The following NRXN1 variants were observed in gnomAD, a reference collection of about 807,000 sequenced individuals.
NRXN1 encodes neurexin 1.
A neutral mutation model predicts 150.9 loss-of-function variants in NRXN1; 39 were observed. The observed-to-expected ratio is 0.26, with a 90% CI of 0.20 to 0.34. NRXN1 has a LOEUF of 0.34. NRXN1 is among the 10% of genes least tolerant of loss of function. NRXN1 has a pLI of 1.00. For synonymous variants in NRXN1, 924 were observed against 757.0 expected (o/e 1.22, Z -3.62); for missense variants, 1,815 against 1,949.9 (o/e 0.93, Z 1.30).
intron 21 of NRXN1, among the ~76,000 whole-genome samples, chr2:50,041,447 T>C (rs781350601): frequency 4.6e-5 from 7 of 152,194 alleles, no homozygotes; most frequent in Non-Finnish European, 7.3e-5. Flanking sequence ...GAGTCACTGG[T>C]GCAAACTGGT....
intron 17 of NRXN1, among the ~76,000 whole-genome samples, chr2:50,274,259 A>G (rs1267999981): frequency 6.6e-6 from 1 of 152,132 alleles, no homozygotes; most frequent in East Asian, 1.9e-4. Flanking sequence ...CATCATTCTC[A>G]GCTAACTAAC....
At chr2:50,643,018 C>A (rs1684287575) in intron 5 of NRXN1, among the ~76,000 whole-genome samples, 1 of 151,874 alleles carries the variant, frequency 6.6e-6, no homozygotes, top group East Asian at 1.9e-4. Flanking sequence ...AAAGAGGCCT[C>A]AGATTGTTTA....
In NRXN1 at chr2:49,920,676, T is replaced by C. The variant is rs1668030868; in HGVS notation, c.*1268A>G. 2 of 151,002 alleles carry C rather than the reference T, an allele frequency of 1.3e-5. No individual in the cohort carries two copies. Among genetic ancestry groups the C allele is most frequent in the Non-Finnish European group, 2.9e-5 (2 of 67,872 alleles). The allele number at this position is 151,002 out of a possible 1,614,324, so 9.4% of individuals were successfully genotyped here. The stretch of plus-strand genomic sequence containing the variant: ...ATGCACGTTTGGATCTTCCAGCATA[T>C]CTGATGGATTGCTGTGGATTCGTGT... On this transcript the variant is annotated 3_prime_UTR_variant, in exon 23 of 23. Transcript: ENST00000401669.
intron 18 of NRXN1, among the ~76,000 whole-genome samples, chr2:50,180,273 C>A (rs529250379): frequency 6.6e-6 from 1 of 152,108 alleles, no homozygotes; most frequent in African/African-American, 2.4e-5. Context: ...AATTCTCCTG[C>A]CTCAGCCTCC....
intron 17 of NRXN1, among the ~76,000 whole-genome samples, chr2:50,329,685 C>T (rs1440872038): frequency 6.9e-4 from 67 of 96,500 alleles, no homozygotes; most frequent in Middle Eastern, 6.8e-3. Context: ...TTTTTTTTTT[C>T]CCCCCCGAGA....
intron 5 of NRXN1, among the ~76,000 whole-genome samples, chr2:50,881,654 G>C (rs1308895205): frequency 1.3e-5 from 2 of 151,870 alleles, no homozygotes; most frequent in Admixed American, 1.3e-4. Context: ...GGCTGGAAGA[G>C]TGGAATCAGG....
chr2:50,852,584 G>A (rs1674680281), intron 5 of NRXN1, among the ~76,000 whole-genome samples: 1 of 152,110 alleles, frequency 6.6e-6, no homozygotes, highest in African/African-American at 2.4e-5. Context: ...TACTGCTTAA[G>A]AAGGATGGTT....
chr2:50,033,981 A>C (rs899526307), intron 21 of NRXN1, among the ~76,000 whole-genome samples: 6 of 151,614 alleles, frequency 4.0e-5, no homozygotes, highest in East Asian at 1.9e-4. Context: ...AAAAAAAAAA[A>C]AAAACAAACA....
intron 17 of NRXN1, among the ~76,000 whole-genome samples, chr2:50,437,327 C>T (rs756551881): frequency 1.3e-5 from 2 of 152,162 alleles, no homozygotes; most frequent in Non-Finnish European, 2.9e-5. Flanking sequence ...CTACTCTCTA[C>T]CTACCTCTAC....
intron 8 of NRXN1, among the ~76,000 whole-genome samples, chr2:50,567,249 ACTAGGATGAATAAC>A (rs1335310287): frequency 6.6e-6 from 1 of 152,234 alleles, no homozygotes; most frequent in Non-Finnish European, 1.5e-5. Context: ...GAGGTTTAAC[ACTAGGATGAATAAC>A]ATTCAACACA....
chr2:50,500,014 A>G (rs1285567528), intron 13 of NRXN1, among the ~76,000 whole-genome samples: 2 of 151,496 alleles, frequency 1.3e-5, no homozygotes, highest in Non-Finnish European at 2.9e-5. Context: ...ATTCTATGCC[A>G]CATTAAAATA....
At chr2:50,729,189 G>A (rs957579858) in intron 5 of NRXN1, among the ~76,000 whole-genome samples, 36 of 151,754 alleles carry the variant, frequency 2.4e-4, no homozygotes, top group Non-Finnish European at 5.0e-4. Context: ...TCATTGAAAC[G>A]ATCTTTGTTT....
intron 8 of NRXN1, among the ~76,000 whole-genome samples, chr2:50,603,642 T>C (rs1436838161): frequency 6.6e-6 from 1 of 152,156 alleles, no homozygotes; most frequent in East Asian, 1.9e-4. Flanking sequence ...CCCCTTTGGC[T>C]AGATGACTTT....
At chr2:49,937,326 G>A (rs1033580370) in intron 22 of NRXN1, among the ~76,000 whole-genome samples, 2 of 152,038 alleles carry the variant, frequency 1.3e-5, no homozygotes, top group South Asian at 4.2e-4. Context: ...AGTTGCCCTC[G>A]GGCTGAAATC....
chr2:50,027,581 A>G (rs1688554003), intron 21 of NRXN1, among the ~76,000 whole-genome samples: 1 of 152,098 alleles, frequency 6.6e-6, no homozygotes, highest in Non-Finnish European at 1.5e-5. Flanking sequence ...AGCTGGGACT[A>G]CAGGTGCATG....
rs993622826 is a variant in NRXN1 at position 50,568,482 on chromosome 2, G to T, written c.1321-15457C>A. On this transcript the variant is annotated intron_variant, in intron 8 of 22. Coordinates refer to ENST00000401669, the MANE Select transcript of NRXN1 (RefSeq NM_001330078.2). ...TAATCTGATTTTAAAATGGGCAAAA[G>T]ATCTGAAAAGACATTTCTCAAAAAA... 3.9e-5 allele frequency among the ~76,000 whole-genome samples: 6 copies of T among 152,178 alleles called. No individual in the cohort carries two copies. The South Asian group carries it at 6.2e-4, about 16-fold the overall frequency.
At chr2:49,946,697 G>T (rs984748536) in intron 21 of NRXN1, among the ~76,000 whole-genome samples, 1 of 151,950 alleles carries the variant, frequency 6.6e-6, no homozygotes, top group African/African-American at 2.4e-5. Context: ...GGTCTTCAAA[G>T]AACTAGAAAA....
chr2:50,977,848 A>G (rs551655058), intron 2 of NRXN1, among the ~76,000 whole-genome samples: 1 of 151,976 alleles, frequency 6.6e-6, no homozygotes, highest in East Asian at 1.9e-4. Context: ...CTCATTCAAA[A>G]AATGTTTAAT....
intron 2 of NRXN1, among the ~76,000 whole-genome samples, chr2:51,024,617 T>C (rs186445543): frequency 5.3e-5 from 8 of 152,280 alleles, no homozygotes; most frequent in Admixed American, 2.0e-4. Context: ...AAAAATATTC[T>C]GGAAATTCAT....
Sources: gnomAD v4.1 joint callset for allele counts (sites outside exome capture counted in the v4.1 genomes callset) on GRCh38, gnomAD v4.1.1 for gene constraint, MANE v1.5 for transcripts, NCBI Gene and HGNC (gene_info 2026-07-23, HGNC 2026-07-21) for gene names.